TRIO: variants seen among roughly 807,000 people sequenced by gnomAD.
The protein encoded by TRIO is trio Rho guanine nucleotide exchange factor.
In TRIO, 58 loss-of-function variants were observed where a neutral mutation model predicts 351.9. That is an observed-to-expected ratio of 0.16 (90% confidence interval 0.13 to 0.21). TRIO has a LOEUF of 0.21. Ranked by LOEUF, TRIO falls within the 10% of genes least tolerant of loss-of-function variation. The pLI is 1.00. For missense variants in TRIO, 3,201 were observed against 4,027.8 expected (o/e 0.79, Z 5.56); for synonymous variants, 1,758 against 1,595.7 (o/e 1.10, Z -2.42).
chr5:14,426,006 A>G (rs114881623), intron 34 of TRIO, among the ~76,000 whole-genome samples: 2,535 of 152,248 alleles, frequency 0.017, 67 homozygotes, highest in African/African-American at 0.059. Context: ...TGTTAACTTT[A>G]TCTCAATAAT....
Position 14,461,244 on chromosome 5 carries a change from C to T in TRIO, c.5429C>T (p.Ala1810Val), listed in dbSNP as rs1202301270. ...AAGAGCCGCGAGGTCCGCAAGAGCG[C>T]CGACGCCGGCTCGCAGAAGGACTCC... ...HKKSREVRKS[A>V]DAGSQKDSDD... The change falls in exon 35 of 57, where the codon GCC becomes GTC. Residue 1810 changes from alanine to valine, a missense_variant. This residue lies in a region of TRIO where 193 missense variants were observed against 218.8 expected (regional missense o/e 0.88). Coordinates refer to ENST00000344204, the MANE Select transcript of TRIO (RefSeq NM_007118.4). 2 of 1,589,868 alleles carry T rather than the reference C, an allele frequency of 1.3e-6. No homozygotes were observed. Among genetic ancestry groups the T allele is most frequent in the Admixed American group, 3.5e-5 (2 of 57,152 alleles).
intron 40 of TRIO, among the ~76,000 whole-genome samples, chr5:14,476,391 G>A (rs1294591053): frequency 1.3e-5 from 2 of 152,142 alleles, no homozygotes; most frequent in Admixed American, 6.5e-5. Flanking sequence ...ATTCCTTTAT[G>A]CTTTGTAGCT....
In TRIO at chr5:14,474,114, T is replaced by C. The variant is rs767593797; in HGVS notation, c.6083+17T>C. 4 of 1,606,208 alleles carry C rather than the reference T, an allele frequency of 2.5e-6. No homozygotes were observed. The highest frequency in any genetic ancestry group is 3.4e-6 in the Non-Finnish European group (4 of 1,173,576). On this transcript the variant is annotated intron_variant, in intron 40 of 56. Transcript: ENST00000344204. ...GCACAGAGAGTACGTAAACATGCAT[T>C]GTGCCCGATGGTGTGCAAAGCAGCC...
At chr5:14,188,979 T>G (rs2152146347) in intron 1 of TRIO, among the ~76,000 whole-genome samples, 1 of 152,304 alleles carries the variant, frequency 6.6e-6, no homozygotes, top group African/African-American at 2.4e-5. Flanking sequence ...AGTGAAAATG[T>G]TTTTCCATGA....
At chr5:14,170,198 C>T (rs1789011652) in intron 1 of TRIO, among the ~76,000 whole-genome samples, 1 of 152,048 alleles carries the variant, frequency 6.6e-6, no homozygotes, top group Non-Finnish European at 1.5e-5. Flanking sequence ...AAGTTTCCTA[C>T]TAGACATATA....
At chr5:14,200,986 C>T (rs776131107) in intron 1 of TRIO, among the ~76,000 whole-genome samples, 6 of 152,036 alleles carry the variant, frequency 3.9e-5, no homozygotes, top group Non-Finnish European at 8.8e-5. Flanking sequence ...CGGCTGGGCG[C>T]GGTGGCTCAC....
chr5:14,222,777 T>G (rs571777034), intron 1 of TRIO, among the ~76,000 whole-genome samples: 1 of 152,302 alleles, frequency 6.6e-6, no homozygotes, highest in Non-Finnish European at 1.5e-5. Context: ...TTTCCCTGTT[T>G]CCAGGTAAGA....
chr5:14,289,515 T>G (rs1393761329), intron 4 of TRIO, among the ~76,000 whole-genome samples: 1 of 151,658 alleles, frequency 6.6e-6, no homozygotes, highest in Non-Finnish European at 1.5e-5. Context: ...ATCGCCACAC[T>G]CCAGTCTGGA....
At chr5:14,364,103 G>A (rs1297833283) in intron 14 of TRIO, among the ~76,000 whole-genome samples, 176 bp downstream of exon 14, 3 of 152,148 alleles carry the variant, frequency 2.0e-5, no homozygotes, top group Non-Finnish European at 4.4e-5. Flanking sequence ...CATTTAACAT[G>A]GTTAGAGTAC....
intron 55 of TRIO, among the ~76,000 whole-genome samples, chr5:14,505,693 C>A (rs547072944): frequency 6.6e-6 from 1 of 152,194 alleles, no homozygotes; most frequent in Admixed American, 6.5e-5. Flanking sequence ...CCACATGGCC[C>A]CACATGCAGC....
chr5:14,144,029 C>G, intron 1 of TRIO, 147 bp downstream of exon 1: 1 of 540,058 alleles, frequency 1.9e-6, no homozygotes, highest in Non-Finnish European at 2.4e-6. Context: ...GGGACCACTG[C>G]TTCCATGCGC....
At chr5:14,341,734 C>T (rs553821134) in intron 11 of TRIO, among the ~76,000 whole-genome samples, 1 of 152,278 alleles carries the variant, frequency 6.6e-6, no homozygotes, top group African/African-American at 2.4e-5. Flanking sequence ...CAGGTGGTGA[C>T]ATTGAGCTCT....
At chr5:14,481,800 G>A (rs1302470501) in intron 45 of TRIO, 182 bp downstream of exon 45, 20 of 556,632 alleles carry the variant, frequency 3.6e-5, no homozygotes, top group East Asian at 9.8e-5. Flanking sequence ...TTTTTGGTGC[G>A]TTTGGTTTGC....
intron 1 of TRIO, among the ~76,000 whole-genome samples, chr5:14,264,739 C>G (rs1242056275): frequency 6.6e-6 from 1 of 152,180 alleles, no homozygotes; most frequent in Non-Finnish European, 1.5e-5. Context: ...CACGTGCGGC[C>G]GCTCCCTGTG....
chr5:14,489,051 C>T, intron 48 of TRIO: 1 of 765,310 alleles, frequency 1.3e-6, no homozygotes. Flanking sequence ...TGGCCCGTAA[C>T]ACTTTCCTGA....
intron 2 of TRIO, among the ~76,000 whole-genome samples, chr5:14,272,471 C>T (rs531237672): frequency 1.3e-5 from 2 of 152,330 alleles, no homozygotes; most frequent in African/African-American, 4.8e-5. Flanking sequence ...TATCGGCTGA[C>T]ATTTTTATAT....
intron 1 of TRIO, among the ~76,000 whole-genome samples, chr5:14,153,827 T>A (rs909057490): frequency 2.0e-5 from 3 of 152,152 alleles, no homozygotes; most frequent in African/African-American, 7.2e-5. Flanking sequence ...GCCTCCTGGA[T>A]TTTCATTTTA....
intron 1 of TRIO, among the ~76,000 whole-genome samples, chr5:14,250,786 G>T (rs766839559): frequency 6.6e-6 from 1 of 152,170 alleles, no homozygotes; most frequent in Admixed American, 6.5e-5. Context: ...CATCCTGTTT[G>T]ATTGAGGGCA....
Position 14,465,622 on chromosome 5 carries a change from A to G in TRIO, c.5745A>G (p.Glu1915=), listed in dbSNP as rs1469507146. The stretch of plus-strand genomic sequence containing the variant: ...CCGAGCTCGTCAGTGCAATTGAGGA[A>G]CTCGTGAAAAGCAAGATGGTGAGGC... ...SAAELVSAIE[E]LVKSKMALED... Residue 1915 remains glutamate, a synonymous_variant, in exon 37 of 57, where the codon GAA becomes GAG. Transcript: ENST00000344204. The G allele has an allele frequency of 6.2e-7, 1 of 1,613,984 alleles. No individual in the cohort carries two copies. The highest frequency in any genetic ancestry group is 8.5e-7 in the Non-Finnish European group (1 of 1,180,014).
Sources: gnomAD v4.1 joint callset for allele counts (sites outside exome capture counted in the v4.1 genomes callset) on GRCh38, gnomAD v4.1.1 for gene constraint, gnomAD v4.1.1 regional missense constraint, MANE v1.5 for transcripts, NCBI Gene and HGNC (gene_info 2026-07-23, HGNC 2026-07-21) for gene names.